Variants in KRIT1 observed in about 807,000 individuals in gnomAD.
KRIT1 encodes the protein krev interaction trapped protein 1.
A neutral mutation model predicts 95.8 loss-of-function variants in KRIT1; 45 were observed. The ratio of observed to expected loss-of-function variants is 0.47; its 90% confidence interval spans 0.37 to 0.60. The LOEUF (loss-of-function observed/expected upper bound fraction) is 0.60, where lower values mean the gene tolerates loss of function less well. Among genes scored for constraint, KRIT1 ranks in the 20% least tolerant of loss-of-function variants. KRIT1 has a pLI of 0.00. For synonymous variants in KRIT1, 282 were observed against 278.8 expected (o/e 1.01, Z -0.11); for missense variants, 788 against 877.5 (o/e 0.90, Z 1.29).
intron 17 of KRIT1, chr7:92,205,699 G>A (rs1791319506): frequency 6.6e-6 from 1 of 152,120 alleles, no homozygotes; most frequent in Non-Finnish European, 1.5e-5. Context: ...TCACACCACT[G>A]CGTCCAGCCT....
rs1008912342 is a variant in KRIT1, at chr7:92,240,744, C to T, written c.262+249G>A. On this transcript the variant is annotated intron_variant, in intron 5 of 18. Coordinates refer to ENST00000394505, the MANE Select transcript of KRIT1 (RefSeq NM_194454.3). ...AAATAGGAATAGTAGTTAAAAGATA[C>T]TTACCTAGGGAACTACACTTCACAT... The T allele has an allele frequency of 8.1e-6, 4 of 495,970 alleles. No individual in the cohort carries two copies. The Admixed American group carries it at 1.4e-4, about 17-fold the overall frequency. 30.7% of individuals were successfully genotyped at this position (495,970 alleles called of 1,614,324 possible).
chr7:92,220,758 G>T (rs565721643), intron 14 of KRIT1, among the ~76,000 whole-genome samples: 1 of 136,538 alleles, frequency 7.3e-6, no homozygotes, highest in African/African-American at 2.8e-5. Context: ...GCAGTGGCAC[G>T]ATCTCGGCTC....
intron 1 of KRIT1, 182 bp from the exon 2 acceptor site, chr7:92,245,353 T>G (rs1477497099): frequency 1.3e-5 from 2 of 151,988 alleles, no homozygotes; most frequent in Admixed American, 6.6e-5. Context: ...CGTAAGCCTC[T>G]TTGCTCAAAG....
intron 17 of KRIT1, among the ~76,000 whole-genome samples, chr7:92,203,858 T>C (rs969509281): frequency 6.6e-6 from 1 of 152,120 alleles, no homozygotes; most frequent in Non-Finnish European, 1.5e-5. Context: ...TCATTTCCTT[T>C]AATGAACTTA....
intron 14 of KRIT1, among the ~76,000 whole-genome samples, chr7:92,218,542 C>T (rs1028309507): frequency 6.6e-6 from 1 of 151,930 alleles, no homozygotes; most frequent in South Asian, 2.1e-4. Context: ...CCATGCCTGG[C>T]TAATTTTTTA....
intron 17 of KRIT1, among the ~76,000 whole-genome samples, chr7:92,201,972 A>C (rs1790276866): frequency 6.6e-6 from 1 of 152,184 alleles, no homozygotes; most frequent in South Asian, 2.1e-4. Context: ...AACATTTTTA[A>C]AGATGTCAAT....
Position 92,237,721 on chromosome 7 carries a change from C to CA in KRIT1, c.300dup (p.Gly101TrpfsTer20). ...GATGCTTCTCTGCCCATCTTCTCTC[C>CA]ATCCAGAGGAAATTTTTTCATTAGT... On this transcript the variant is annotated frameshift_variant, in exon 6 of 19. Coordinates refer to ENST00000394505, the MANE Select transcript of KRIT1 (RefSeq NM_194454.3). LOFTEE classifies it high-confidence loss of function. 6.2e-7 allele frequency: 1 copy of CA among 1,608,966 alleles called. No homozygotes were observed. Among genetic ancestry groups the CA allele is most frequent in the Non-Finnish European group, 8.5e-7 (1 of 1,175,690 alleles).
In KRIT1 at chr7:92,201,393, A is replaced by G; in HGVS notation, c.2056T>C (p.Phe686Leu). 1 of 1,590,784 alleles carries G rather than the reference A, an allele frequency of 6.3e-7. No homozygotes were observed. Among genetic ancestry groups the G allele is most frequent in the Non-Finnish European group, 8.6e-7 (1 of 1,158,860 alleles). ...TCAGTATCTCCCAATTGCCACATAAAACAACCATACTTAAGACTGATGAGT... is the reference window on the plus strand; with the variant it reads ...TCAGTATCTCCCAATTGCCACATAAGACAACCATACTTAAGACTGATGAGT... The part of the protein sequence containing the change: ...ALLISLKYGC[F>L]MWQLGDTDTC... Residue 686 changes from phenylalanine to leucine, a missense_variant, in exon 18 of 19, where the codon TTT becomes CTT. Around this residue, in one of 3 missense-constraint regions of KRIT1, gnomAD observed 493 missense variants for 582.3 expected, o/e 0.85. Coordinates refer to ENST00000394505, the MANE Select transcript of KRIT1 (RefSeq NM_194454.3).
chr7:92,214,703 A>C lies in KRIT1; in HGVS notation c.1638T>G (p.Ala546=), dbSNP rs1220440318. ...RYNLLKGFYT[A]PDAKLITLAS... ...CCAATGTTATCAGCTTAGCATCAGG[A>C]GCTGTATAAAAGCCCTTCAATAAAT... The change falls in exon 15 of 19, where the codon GCT becomes GCG. Residue 546 remains alanine, a synonymous_variant. Transcript: ENST00000394505. 1.2e-6 allele frequency: 2 copies of C among 1,608,486 alleles called. No individual in the cohort carries two copies. The highest frequency in any genetic ancestry group is 1.7e-6 in the Non-Finnish European group (2 of 1,175,004).
At position 92,235,398 on chromosome 7, in the gene KRIT1, C is replaced by T. The variant is rs1468613071; in HGVS notation, c.729+5G>A. The T allele has an allele frequency of 6.2e-7, 1 of 1,613,670 alleles. No individual in the cohort carries two copies. ...AATCAGAGCTAAAATTCATTCAACTCTTACCCGATTTGTATACTGAAGATC... is the reference window on the plus strand; with the variant it reads ...AATCAGAGCTAAAATTCATTCAACTTTTACCCGATTTGTATACTGAAGATC... On this transcript the variant is annotated splice_donor_5th_base_variant and intron_variant, in intron 8 of 18. Coordinates refer to ENST00000394505, the MANE Select transcript of KRIT1 (RefSeq NM_194454.3).
intron 11 of KRIT1, 61 bp from the exon 12 acceptor site, chr7:92,225,888 A>G (rs1420691857): frequency 4.7e-6 from 4 of 850,918 alleles, no homozygotes; most frequent in Non-Finnish European, 8.1e-6. Flanking sequence ...TCTAAGGGAA[A>G]ATGTCATCCA....
intron 3 of KRIT1, among the ~76,000 whole-genome samples, chr7:92,242,945 GT>G (rs1800015790): frequency 6.6e-6 from 1 of 152,200 alleles, no homozygotes; most frequent in South Asian, 2.1e-4. Flanking sequence ...AGCCTCCTGA[GT>G]AGCCAGAATT....
At chr7:92,228,994 C>CT (rs1796750890) in intron 10 of KRIT1, among the ~76,000 whole-genome samples, 1 of 152,068 alleles carries the variant, frequency 6.6e-6, no homozygotes, top group East Asian at 1.9e-4. Context: ...TATCATGGAC[C>CT]TTTAGATTGA....
intron 17 of KRIT1, among the ~76,000 whole-genome samples, chr7:92,212,496 C>T (rs919163698): frequency 6.6e-6 from 1 of 152,112 alleles, no homozygotes; most frequent in Non-Finnish European, 1.5e-5. Flanking sequence ...TTTATGAGAG[C>T]AGGGCCCACA....
At chr7:92,210,664 A>G (rs1792602509) in intron 17 of KRIT1, among the ~76,000 whole-genome samples, 1 of 152,226 alleles carries the variant, frequency 6.6e-6, no homozygotes, top group Non-Finnish European at 1.5e-5. Flanking sequence ...ATAGGCAACA[A>G]AAACAAAAAC....
intron 5 of KRIT1, among the ~76,000 whole-genome samples, chr7:92,239,761 A>G (rs1452630826): frequency 6.8e-6 from 1 of 146,346 alleles, no homozygotes; most frequent in Non-Finnish European, 1.5e-5. Flanking sequence ...CCCAGGCTAG[A>G]GTGCAGTGGC....
chr7:92,209,374 G>A (rs1792277424), intron 17 of KRIT1, among the ~76,000 whole-genome samples: 1 of 152,088 alleles, frequency 6.6e-6, no homozygotes, highest in Non-Finnish European at 1.5e-5. Context: ...TCAGGTAAGA[G>A]AAAGAAATAA....
Position 92,218,310 on chromosome 7 carries a change from T to C in KRIT1, c.1564-3533A>G, listed in dbSNP as rs986327571. Among the ~76,000 whole-genome samples, 4 of 151,384 alleles carry C rather than the reference T, an allele frequency of 2.6e-5. No homozygotes were observed. The East Asian group carries it at 5.8e-4, about 22-fold the overall frequency. ...TGCAGCCAGGCTGGTCTCAAATTCCTGGCCTCAAGTGAGCCTCCCACCTCA... is the reference window on the plus strand; with the variant it reads ...TGCAGCCAGGCTGGTCTCAAATTCCCGGCCTCAAGTGAGCCTCCCACCTCA... On this transcript the variant is annotated intron_variant, in intron 14 of 18. Coordinates refer to ENST00000394505, the MANE Select transcript of KRIT1 (RefSeq NM_194454.3).
chr7:92,223,442 CAAAAAAAA>C (rs976391928), intron 12 of KRIT1, among the ~76,000 whole-genome samples: 38 of 58,068 alleles, frequency 6.5e-4, no homozygotes, highest in African/African-American at 2.2e-3. Context: ...GACTCCATCT[CAAAAAAAA>C]AAAAAAAAAA....
Sources: allele counts gnomAD v4.1 joint callset (sites outside exome capture counted in the v4.1 genomes callset), GRCh38; gene constraint gnomAD v4.1.1; regional missense constraint gnomAD v4.1.1; transcripts MANE v1.5; gene names NCBI Gene and HGNC (gene_info 2026-07-23, HGNC 2026-07-21).